MAEA: variants seen among roughly 807,000 people sequenced by gnomAD.
MAEA encodes E3 ubiquitin-protein transferase MAEA.
Under a neutral mutation model 46.2 loss-of-function variants are expected in MAEA, and 22 were observed. The ratio of observed to expected loss-of-function variants is 0.48; its 90% confidence interval spans 0.34 to 0.68. MAEA has a LOEUF of 0.68. Among genes scored for constraint, MAEA ranks in the 30% least tolerant of loss-of-function variants. The pLI is 0.01. For synonymous variants in MAEA, 246 were observed against 222.6 expected (o/e 1.11, Z -0.94); for missense variants, 393 against 558.1 (o/e 0.70, Z 2.98).
chr4:1,310,079 C>T, intron 1 of MAEA: 1 of 1,014,858 alleles, frequency 9.9e-7, no homozygotes, highest in Non-Finnish European at 1.2e-6. Context: ...CGAAGACTTT[C>T]TGTCCTGCTC....
At chr4:1,330,233 G>A in intron 5 of MAEA, 1 of 710,628 alleles carries the variant, frequency 1.4e-6, no homozygotes, top group Non-Finnish European at 1.7e-6. Context: ...CTTTGTGTGA[G>A]CAGCTCCGTG....
At chr4:1,329,735 G>C in intron 5 of MAEA, 3 of 985,664 alleles carry the variant, frequency 3.0e-6, no homozygotes, top group Non-Finnish European at 3.6e-6. Context: ...GGACGTTTGT[G>C]GGGTGAGGGA....
At chr4:1,334,193 A>G (rs1420167999) in intron 6 of MAEA, among the ~76,000 whole-genome samples, 1 of 125,438 alleles carries the variant, frequency 8.0e-6, no homozygotes, top group South Asian at 2.7e-4. Flanking sequence ...TCACACTGGG[A>G]ACAGTTTCAG....
rs1039241882 is a variant in MAEA at position 1,330,250 on chromosome 4, G to T, written c.657-2507G>T. On this transcript the variant is annotated intron_variant, in intron 5 of 8. Coordinates refer to ENST00000303400, the MANE Select transcript of MAEA (RefSeq NM_001017405.3). Reference sequence around the variant, plus strand: ...TTGTGTGAGCAGCTCCGTGCCGTCTGTCGCACACCCACACCTCAGCCTGGC... The same window carrying T: ...TTGTGTGAGCAGCTCCGTGCCGTCTTTCGCACACCCACACCTCAGCCTGGC... 15 of 534,154 alleles carry T rather than the reference G, an allele frequency of 2.8e-5. 2 individuals carry two copies. The highest frequency in any genetic ancestry group is 1.5e-4 in the East Asian group (1 of 6,758). The allele number at this position is 534,154 out of a possible 1,614,324, so 33.1% of individuals were successfully genotyped here.
At chr4:1,303,905 GTGGGGGTCGGGCAGGGCA>G (rs2108882398) in intron 1 of MAEA, among the ~76,000 whole-genome samples, 1 of 142,818 alleles carries the variant, frequency 7.0e-6, no homozygotes, top group Admixed American at 6.9e-5. Flanking sequence ...GCAGGGCAGG[GTGGGGGTCGGGCAGGGCA>G]GGGGGGTCCG....
At chr4:1,337,602 C>T (rs1161574155) in intron 7 of MAEA, 1 of 172,788 alleles carries the variant, frequency 5.8e-6, no homozygotes, top group Non-Finnish European at 1.3e-5. Context: ...CTCTGTCCCA[C>T]CTGCAACTGA....
chr4:1,328,734 C>T (rs932274688), intron 5 of MAEA: 14 of 1,235,906 alleles, frequency 1.1e-5, no homozygotes, highest in East Asian at 1.2e-4. Context: ...GGCAGAACCG[C>T]GGCAAGTCCC....
chr4:1,319,331 C>T (rs956647640), intron 3 of MAEA, among the ~76,000 whole-genome samples: 4 of 151,562 alleles, frequency 2.6e-5, no homozygotes, highest in African/African-American at 4.8e-5. Flanking sequence ...CCAGCCTGGG[C>T]AACAGGACAA....
chr4:1,295,801 AGCGCCTGTGCCCCCTCACCCACGCCTG>A (rs1734616724), intron 1 of MAEA, among the ~76,000 whole-genome samples: 1 of 7,920 alleles, frequency 1.3e-4, no homozygotes, highest in Non-Finnish European at 2.0e-4. Flanking sequence ...CCCCCTCCCC[AGCGCCTGTGCCCCCTCACCCACGCCTG>A]TGCCCTCCTC....
intron 1 of MAEA, among the ~76,000 whole-genome samples, chr4:1,307,376 C>T (rs1735932934): frequency 6.7e-6 from 1 of 150,314 alleles, no homozygotes; most frequent in Non-Finnish European, 1.5e-5. Context: ...AAGAGTTGGA[C>T]TGTGTGAGAT....
chr4:1,298,816 G>C (rs897389386), intron 1 of MAEA, among the ~76,000 whole-genome samples: 1 of 152,142 alleles, frequency 6.6e-6, no homozygotes, highest in African/African-American at 2.4e-5. Flanking sequence ...CCAGAGCCCT[G>C]TATCCAGTAG....
intron 4 of MAEA, among the ~76,000 whole-genome samples, chr4:1,323,106 C>T (rs1056428405): frequency 6.6e-6 from 1 of 151,786 alleles, no homozygotes; most frequent in African/African-American, 2.4e-5. Context: ...GCCACCATGC[C>T]CGGCTAATTT....
At chr4:1,309,518 AG>A in intron 1 of MAEA, 1 of 1,350,098 alleles carries the variant, frequency 7.4e-7, no homozygotes, top group South Asian at 1.8e-5. Context: ...CTGGAGGGAG[AG>A]GGGGTGCTGC....
At chr4:1,319,731 C>G (rs1379969805) in intron 3 of MAEA, among the ~76,000 whole-genome samples, 5 of 68,566 alleles carry the variant, frequency 7.3e-5, no homozygotes, top group African/African-American at 2.7e-4. Flanking sequence ...GAGAGCGAGA[C>G]CCTGTCTCAA....
chr4:1,310,095 A>C, intron 1 of MAEA: 2 of 905,960 alleles, frequency 2.2e-6, no homozygotes, highest in Non-Finnish European at 2.7e-6. Context: ...TGCTCTTGTG[A>C]GGCGCCTGCA....
At chr4:1,313,357 G>C (rs796426842) in intron 2 of MAEA, among the ~76,000 whole-genome samples, 43 of 152,226 alleles carry the variant, frequency 2.8e-4, no homozygotes, top group African/African-American at 1.0e-3. Flanking sequence ...ATGGACTGGA[G>C]ACCCAGCAGG....
chr4:1,323,740 G>T, intron 4 of MAEA: 1 of 649,024 alleles, frequency 1.5e-6, no homozygotes, highest in South Asian at 1.7e-5. Context: ...GGTTCTTGGT[G>T]CTGCCAGGAT....
intron 3 of MAEA, among the ~76,000 whole-genome samples, chr4:1,315,946 C>T (rs1279804474): frequency 6.8e-6 from 1 of 147,030 alleles, no homozygotes; most frequent in Non-Finnish European, 1.5e-5. Flanking sequence ...GGGCCTCCTC[C>T]CCAGCTGAGA....
rs73793367 is a variant in MAEA, at chr4:1,325,621, G to A, written c.580-2006G>A. ...GCGTCCTGCCTTTAGACAGAGCCCC[G>A]GCACTCGCCTGCTCTAGACACGGCA... is the stretch of plus-strand genomic sequence containing the variant. On this transcript the variant is annotated intron_variant, in intron 4 of 8. Coordinates refer to ENST00000303400, the MANE Select transcript of MAEA (RefSeq NM_001017405.3). Among the ~76,000 whole-genome samples, 444 of 152,266 alleles carry A rather than the reference G, an allele frequency of 2.9e-3. 6 individuals carry two copies. The highest frequency in any genetic ancestry group is 0.01 in the African/African-American group (430 of 41,562).
Sources: gnomAD v4.1 joint callset for allele counts (sites outside exome capture counted in the v4.1 genomes callset) on GRCh38, gnomAD v4.1.1 for gene constraint, MANE v1.5 for transcripts, NCBI Gene and HGNC (gene_info 2026-07-23, HGNC 2026-07-21) for gene names.